The following CNTN1 variants were observed in gnomAD, a reference collection of about 807,000 sequenced individuals.
CNTN1 encodes contactin 1.
In CNTN1, 38 loss-of-function variants were observed where a neutral mutation model predicts 126.4. The observed-to-expected ratio is 0.30, with a 90% CI of 0.23 to 0.39. The LOEUF is 0.39. CNTN1 is among the 10% of genes least tolerant of loss of function. The pLI, the probability that CNTN1 is intolerant of heterozygous loss-of-function variation, is 1.00. For synonymous variants in CNTN1, 413 were observed against 422.6 expected, an observed-to-expected ratio of 0.98 and a Z score of 0.28; for missense variants, 1,009 against 1,248.4, an observed-to-expected ratio of 0.81 and a Z score of 2.89.
At chr12:40,986,449 T>A (rs553358356) in intron 16 of CNTN1, among the ~76,000 whole-genome samples, 112 of 152,284 alleles carry the variant, frequency 7.4e-4, no homozygotes, top group African/African-American at 2.6e-3. Flanking sequence ...CTTCAAGTAA[T>A]TCGAATGTAT....
intron 6 of CNTN1, among the ~76,000 whole-genome samples, chr12:40,928,074 G>A (rs1945756869): frequency 6.6e-6 from 1 of 151,920 alleles, no homozygotes; most frequent in Non-Finnish European, 1.5e-5. Context: ...TGCATTTTGT[G>A]GGCAGTATCT....
chr12:40,854,980 G>A (rs1161438252), intron 1 of CNTN1, among the ~76,000 whole-genome samples: 1 of 152,052 alleles, frequency 6.6e-6, no homozygotes, highest in Non-Finnish European at 1.5e-5. Context: ...GAGGTGATAG[G>A]GAAGGCAATG....
chr12:40,975,972 T>C (rs143917539), intron 15 of CNTN1, among the ~76,000 whole-genome samples: 66 of 152,244 alleles, frequency 4.3e-4, no homozygotes, highest in African/African-American at 1.6e-3. Context: ...TAATAAAATG[T>C]ATTTCAAAAA....
chr12:40,940,444 G>T (rs1007122972), intron 12 of CNTN1, among the ~76,000 whole-genome samples: 1 of 152,078 alleles, frequency 6.6e-6, no homozygotes, highest in Non-Finnish European at 1.5e-5. Context: ...GGAGGACAAG[G>T]ATCACTTTTG....
chr12:40,791,602 C>T (rs1465210841), intron 1 of CNTN1, among the ~76,000 whole-genome samples: 3 of 152,098 alleles, frequency 2.0e-5, no homozygotes, highest in Non-Finnish European at 4.4e-5. Context: ...TATTTTATTA[C>T]TCTAAAATCT....
At chr12:40,971,666 T>C in intron 15 of CNTN1, 2 of 1,447,094 alleles carry the variant, frequency 1.4e-6, no homozygotes, top group Non-Finnish European at 1.8e-6. Flanking sequence ...TAAACATACT[T>C]TGGGCATAAA....
At chr12:40,893,435 C>G (rs1944307636) in intron 1 of CNTN1, among the ~76,000 whole-genome samples, 1 of 152,074 alleles carries the variant, frequency 6.6e-6, no homozygotes, top group African/African-American at 2.4e-5. Context: ...TATCTTTATT[C>G]TAAGAAACTG....
chr12:40,937,917 G>A (rs1369976353), intron 11 of CNTN1, among the ~76,000 whole-genome samples: 1 of 152,088 alleles, frequency 6.6e-6, no homozygotes, highest in African/African-American at 2.4e-5. Flanking sequence ...CAGCAGCAGT[G>A]GCCATACCTA....
In CNTN1 at chr12:40,821,260, G is replaced by T. The variant is rs545829893; in HGVS notation, c.-76-87097G>T. The stretch of plus-strand genomic sequence containing the variant: ...TCCTTAATATGTATCCAGAGAGACA[G>T]ATTGGCAGGTATCCAAAGCTATTTG... On this transcript the variant is annotated intron_variant, in intron 1 of 23. Transcript: ENST00000551295. Among the ~76,000 whole-genome samples, 3 of 152,344 alleles carry T rather than the reference G, an allele frequency of 2.0e-5. No individual in the cohort carries two copies. The South Asian group carries it at 6.2e-4, about 32-fold the overall frequency.
intron 1 of CNTN1, among the ~76,000 whole-genome samples, chr12:40,805,249 T>C (rs1280309851): frequency 2.0e-5 from 3 of 152,052 alleles, no homozygotes; most frequent in African/African-American, 4.8e-5. Context: ...CAAAATTTCT[T>C]CTACCCCCTT....
At position 40,773,672 on chromosome 12, in the gene CNTN1, TACAC is replaced by T. The variant is rs1179950857; in HGVS notation, c.-77+81082_-77+81085del. On this transcript the variant is annotated intron_variant, in intron 1 of 23. Transcript: ENST00000551295. Reference sequence around the variant, plus strand: ...ATATATATACACATATATATATATATACACATATATATATATATATACACATATA... The same window carrying T: ...ATATATATACACATATATATATATATATATATATATATATATACACATATA... Among the ~76,000 whole-genome samples the T allele has an allele frequency of 3.1e-3, 30 of 9,668 alleles. 1 individual carries two copies. Among genetic ancestry groups the T allele is most frequent in the Middle Eastern group, 0.056 (1 of 18 alleles). 6.3% of individuals were successfully genotyped at this position (9,668 alleles called of 152,430 possible).
rs1304210197 is a variant in CNTN1 at position 40,908,270 on chromosome 12, TC to T, written c.-76-86del. On this transcript the variant is annotated intron_variant, in intron 1 of 23. Transcript: ENST00000551295. The stretch of plus-strand genomic sequence containing the variant: ...TGAACATTTCCAATTTCCTTCCCTT[TC>T]TTTCTTCTCCTCTCCTCCTCTCCCC... The T allele has an allele frequency of 2.6e-4, 153 of 579,714 alleles. No homozygotes were observed. In the East Asian group the frequency reaches 4.4e-3, roughly 17 times the overall value. The allele number at this position is 579,714 out of a possible 1,614,324, so 35.9% of individuals were successfully genotyped here.
intron 1 of CNTN1, among the ~76,000 whole-genome samples, chr12:40,888,365 CAAT>C (rs1278449476): frequency 6.6e-6 from 1 of 151,932 alleles, no homozygotes; most frequent in Non-Finnish European, 1.5e-5. Flanking sequence ...TCTCAAAAAA[CAAT>C]AACTAATTTT....
intron 23 of CNTN1, among the ~76,000 whole-genome samples, chr12:41,054,753 C>T (rs1214790072): frequency 6.6e-6 from 1 of 151,970 alleles, no homozygotes; most frequent in African/African-American, 2.4e-5. Context: ...CTTGAATGTA[C>T]TTATGTGATT....
chr12:40,886,218 A>G (rs1292536805), intron 1 of CNTN1, among the ~76,000 whole-genome samples: 1 of 152,022 alleles, frequency 6.6e-6, no homozygotes, highest in East Asian at 1.9e-4. Context: ...TAAGCTCCAA[A>G]ACAGTGCTAA....
At chr12:40,803,964 T>C (rs1223690356) in intron 1 of CNTN1, among the ~76,000 whole-genome samples, 1 of 152,008 alleles carries the variant, frequency 6.6e-6, no homozygotes, top group African/African-American at 2.4e-5. Context: ...TCACTTACAA[T>C]TACCTACCAA....
chr12:40,789,170 G>A (rs1286917444), intron 1 of CNTN1, among the ~76,000 whole-genome samples: 3 of 152,036 alleles, frequency 2.0e-5, no homozygotes, highest in Non-Finnish European at 4.4e-5. Flanking sequence ...AAATTTCTTT[G>A]TGTGACTTTC....
intron 23 of CNTN1, among the ~76,000 whole-genome samples, chr12:41,052,923 A>C (rs1018837777): frequency 2.0e-5 from 3 of 151,994 alleles, no homozygotes; most frequent in Admixed American, 6.6e-5. Flanking sequence ...TGTGAGAGCC[A>C]ATAAAATCTA....
At chr12:40,874,747 G>T (rs1943613834) in intron 1 of CNTN1, among the ~76,000 whole-genome samples, 1 of 152,018 alleles carries the variant, frequency 6.6e-6, no homozygotes, top group East Asian at 1.9e-4. Flanking sequence ...GTATATTTAG[G>T]TGTGTTTTAA....
Sources: gnomAD v4.1 joint callset for allele counts (sites outside exome capture counted in the v4.1 genomes callset) on GRCh38, gnomAD v4.1.1 for gene constraint, MANE v1.5 for transcripts, NCBI Gene and HGNC (gene_info 2026-07-23, HGNC 2026-07-21) for gene names.